The following UBE2E2 variants were observed in gnomAD, a reference collection of about 807,000 sequenced individuals.
UBE2E2 encodes the protein ubiquitin conjugating enzyme E2 E2.
Under a neutral mutation model 24.7 loss-of-function variants are expected in UBE2E2, and 6 were observed. The observed-to-expected ratio is 0.24, with a 90% CI of 0.13 to 0.48. UBE2E2 has a LOEUF of 0.48. Among genes scored for constraint, UBE2E2 ranks in the 20% least tolerant of loss-of-function variants. UBE2E2 has a pLI of 0.99. For synonymous variants in UBE2E2, 104 were observed against 83.6 expected, an observed-to-expected ratio of 1.24 and a Z score of -1.33; for missense variants, 169 against 245.0, an observed-to-expected ratio of 0.69 and a Z score of 2.07.
chr3:23,567,797 G>T, intron 5 of UBE2E2, among the ~76,000 whole-genome samples: 1 of 152,312 alleles, frequency 6.6e-6, no homozygotes, highest in Non-Finnish European at 1.5e-5. Context: ...AATACTTACT[G>T]CATGGTCATC....
intron 5 of UBE2E2, among the ~76,000 whole-genome samples, chr3:23,564,468 C>G (rs964551327): frequency 5.9e-5 from 9 of 152,072 alleles, no homozygotes; most frequent in African/African-American, 2.2e-4. Flanking sequence ...TTTTAACACC[C>G]AAATCCAATC....
intron 4 of UBE2E2, among the ~76,000 whole-genome samples, chr3:23,518,900 G>A (rs1398093661): frequency 6.6e-6 from 1 of 152,152 alleles, no homozygotes; most frequent in Non-Finnish European, 1.5e-5. Context: ...GCCATTTTGT[G>A]AATTTAGGAA....
chr3:23,330,823 G>C (rs1034454201), intron 3 of UBE2E2, among the ~76,000 whole-genome samples: 1 of 152,132 alleles, frequency 6.6e-6, no homozygotes, highest in African/African-American at 2.4e-5. Flanking sequence ...TGTCCAAAGA[G>C]CATATTTAGT....
chr3:23,439,373 G>A (rs761699815), intron 3 of UBE2E2, among the ~76,000 whole-genome samples: 1 of 152,180 alleles, frequency 6.6e-6, no homozygotes, highest in Non-Finnish European at 1.5e-5. Context: ...TAGTACCTGC[G>A]CTAAGAGATA....
At chr3:23,379,723 G>A (rs1340291484) in intron 3 of UBE2E2, among the ~76,000 whole-genome samples, 1 of 152,082 alleles carries the variant, frequency 6.6e-6, no homozygotes, top group Admixed American at 6.5e-5. Flanking sequence ...CTAAGACATG[G>A]TGTGATGGGA....
intron 3 of UBE2E2, among the ~76,000 whole-genome samples, chr3:23,334,939 A>G (rs1695162555): frequency 6.6e-6 from 1 of 152,204 alleles, no homozygotes. Context: ...AGATCTTTAC[A>G]TTTATGATGC....
chr3:23,383,038 G>C (rs1369473431), intron 3 of UBE2E2, among the ~76,000 whole-genome samples: 1 of 152,164 alleles, frequency 6.6e-6, no homozygotes, highest in Non-Finnish European at 1.5e-5. Flanking sequence ...ACATTTTCCA[G>C]TTGAGTTTTA....
chr3:23,272,122 G>A (rs1009947910), intron 3 of UBE2E2, among the ~76,000 whole-genome samples: 8 of 152,256 alleles, frequency 5.3e-5, no homozygotes, highest in Admixed American at 3.3e-4. Context: ...GGAGCCCACC[G>A]CCAGGGGGCT....
chr3:23,292,863 C>G (rs1698804470), intron 3 of UBE2E2, among the ~76,000 whole-genome samples: 1 of 152,130 alleles, frequency 6.6e-6, no homozygotes, highest in Admixed American at 6.5e-5. Context: ...CACCTGGGGT[C>G]AGGGGTTTGA....
intron 3 of UBE2E2, among the ~76,000 whole-genome samples, chr3:23,331,134 G>T: frequency 6.6e-6 from 1 of 152,114 alleles, no homozygotes. Flanking sequence ...AAGTTCTTTT[G>T]AATTTTTTCC....
chr3:23,529,049 T>C (rs1695063045), intron 4 of UBE2E2, among the ~76,000 whole-genome samples: 1 of 152,196 alleles, frequency 6.6e-6, no homozygotes, highest in East Asian at 1.9e-4. Context: ...CAATTTCAAT[T>C]GGTTACCTAC....
rs142623709 is a variant in UBE2E2 at position 23,364,575 on chromosome 3, A to G, written c.228-135033A>G. ...TACGACCTCCCAAGATTGAACCAGG[A>G]AGAAGTTGAATCCATGAACAGACAA... is the stretch of plus-strand genomic sequence containing the variant. On this transcript the variant is annotated intron_variant, in intron 3 of 5. Coordinates refer to ENST00000396703, the MANE Select transcript of UBE2E2 (RefSeq NM_152653.4). Among the ~76,000 whole-genome samples, 1,281 of 152,334 alleles carry G rather than the reference A, an allele frequency of 8.4e-3. 17 individuals carry two copies. Among genetic ancestry groups the G allele is most frequent in the African/African-American group, 0.028 (1,176 of 41,568 alleles).
intron 3 of UBE2E2, among the ~76,000 whole-genome samples, chr3:23,411,023 T>C (rs1329109177): frequency 6.6e-6 from 1 of 151,972 alleles, no homozygotes; most frequent in Non-Finnish European, 1.5e-5. Flanking sequence ...ATTGAACAAA[T>C]TAAAAAAAGA....
chr3:23,362,687 C>A (rs796210557), intron 3 of UBE2E2, among the ~76,000 whole-genome samples: 114 of 152,248 alleles, frequency 7.5e-4, no homozygotes, highest in African/African-American at 2.6e-3. Flanking sequence ...GCTCAGTAGT[C>A]CAGCTTCTGT....
chr3:23,415,166 T>C (rs1041240048), intron 3 of UBE2E2, among the ~76,000 whole-genome samples: 2 of 152,214 alleles, frequency 1.3e-5, no homozygotes, highest in African/African-American at 4.8e-5. Context: ...ACTTTTTTTA[T>C]GCGTATAGAT....
At chr3:23,435,896 A>G (rs1485874323) in intron 3 of UBE2E2, among the ~76,000 whole-genome samples, 9 of 152,156 alleles carry the variant, frequency 5.9e-5, no homozygotes, top group African/African-American at 2.2e-4. Context: ...CAGTTATTCC[A>G]CGGCAGGGGC....
chr3:23,518,503 G>T (rs1160028659), intron 4 of UBE2E2, among the ~76,000 whole-genome samples: 3 of 152,252 alleles, frequency 2.0e-5, no homozygotes, highest in African/African-American at 4.8e-5. Context: ...GTTGAAATGA[G>T]CTGTGAGCTA....
intron 3 of UBE2E2, among the ~76,000 whole-genome samples, chr3:23,325,682 G>A (rs1292564625): frequency 6.6e-6 from 1 of 152,150 alleles, no homozygotes; most frequent in Non-Finnish European, 1.5e-5. Flanking sequence ...TTTTCACCAT[G>A]TGAGGCTTGA....
intron 5 of UBE2E2, among the ~76,000 whole-genome samples, chr3:23,566,962 A>G (rs1696088990): frequency 6.6e-6 from 1 of 152,208 alleles, no homozygotes; most frequent in South Asian, 2.1e-4. Flanking sequence ...CTATGGCAGT[A>G]TCAGTAGTGA....
Sources: allele counts gnomAD v4.1 joint callset (sites outside exome capture counted in the v4.1 genomes callset), GRCh38; gene constraint gnomAD v4.1.1; transcripts MANE v1.5; gene names NCBI Gene and HGNC (gene_info 2026-07-23, HGNC 2026-07-21).